The following LANCL2 variants were observed in gnomAD, a reference collection of about 807,000 sequenced individuals.
LANCL2 encodes the protein LanC like glutathione S-transferase 2, also known as lanC-like protein 2.
LANCL2 carries 33 observed loss-of-function variants against 56.9 expected under a neutral mutation model. The observed-to-expected ratio is 0.58, with a 90% CI of 0.44 to 0.78. LANCL2 has a LOEUF of 0.78. LANCL2 is among the 30% of genes least tolerant of loss of function. LANCL2 has a pLI of 0.00. For missense variants in LANCL2, 562 were observed against 580.2 expected (o/e 0.97, Z 0.32); for synonymous variants, 233 against 228.2 (o/e 1.02, Z -0.19).
intron 1 of LANCL2, among the ~76,000 whole-genome samples, chr7:55,377,389 TG>T (rs1272769818): frequency 1.3e-5 from 2 of 152,224 alleles, no homozygotes; most frequent in African/African-American, 4.8e-5. Flanking sequence ...TGGTGTAATT[TG>T]TATGCTTCAG....
At chr7:55,366,646 G>A (rs575202830) in intron 1 of LANCL2, among the ~76,000 whole-genome samples, 3 of 152,174 alleles carry the variant, frequency 2.0e-5, no homozygotes, top group Non-Finnish European at 2.9e-5. Flanking sequence ...CTGGGCTCTC[G>A]CCGACAAAGA....
Position 55,365,919 on chromosome 7 carries a change from C to T in LANCL2, c.-107C>T. The T allele has an allele frequency of 1.1e-6, 1 of 908,128 alleles. No homozygotes were observed. The highest frequency in any genetic ancestry group is 1.6e-6 in the Non-Finnish European group (1 of 639,962). 56.3% of individuals were successfully genotyped at this position (908,128 alleles called of 1,614,324 possible). ...CCCGCCAGCGCGCGGCCTCGCTCCT[C>T]CTAGAGGACGCTCTCTGCGCGGGCC... is the stretch of plus-strand genomic sequence containing the variant. On this transcript the variant is annotated 5_prime_UTR_variant, in exon 1 of 9. Coordinates refer to ENST00000254770, the MANE Select transcript of LANCL2 (RefSeq NM_018697.4).
At chr7:55,383,558 G>C (rs1790092098) in intron 1 of LANCL2, among the ~76,000 whole-genome samples, 1 of 152,164 alleles carries the variant, frequency 6.6e-6, no homozygotes, top group Non-Finnish European at 1.5e-5. Context: ...TAGCATATCA[G>C]TACTTGCTAG....
chr7:55,419,336 T>C (rs1282894616), intron 6 of LANCL2, among the ~76,000 whole-genome samples: 1 of 151,946 alleles, frequency 6.6e-6, no homozygotes, highest in Non-Finnish European at 1.5e-5. Context: ...CATAATGTTA[T>C]TCATACCTCT....
intron 2 of LANCL2, among the ~76,000 whole-genome samples, chr7:55,393,745 C>A (rs1030677984): frequency 6.6e-6 from 1 of 152,114 alleles, no homozygotes; most frequent in Non-Finnish European, 1.5e-5. Flanking sequence ...TACATAGTGA[C>A]ATTACATATT....
At chr7:55,413,818 C>G (rs544476314) in intron 6 of LANCL2, among the ~76,000 whole-genome samples, 2 of 152,204 alleles carry the variant, frequency 1.3e-5, no homozygotes, top group Non-Finnish European at 2.9e-5. Context: ...TAATTCTGTC[C>G]TCTACATTAA....
intron 6 of LANCL2, among the ~76,000 whole-genome samples, chr7:55,414,567 T>C (rs1043471218): frequency 5.3e-5 from 8 of 152,184 alleles, no homozygotes; most frequent in African/African-American, 1.9e-4. Flanking sequence ...ACAAAATTTA[T>C]TTTCCCTCCC....
Position 55,431,947 on chromosome 7 carries a change from A to C in LANCL2, c.*627A>C, listed in dbSNP as rs1170339253. On this transcript the variant is annotated 3_prime_UTR_variant, in exon 9 of 9. Transcript: ENST00000254770. ...GTGTTTTAAAGAAGCCTCAGAGTGC[A>C]TTGCAGCTCTGTCAGGGCCCCATTC... is the stretch of plus-strand genomic sequence containing the variant. 1 of 152,258 alleles carries C rather than the reference A, an allele frequency of 6.6e-6. No homozygotes were observed. The highest frequency in any genetic ancestry group is 1.5e-5 in the Non-Finnish European group (1 of 68,110). The allele number at this position is 152,258 out of a possible 1,614,324, so 9.4% of individuals were successfully genotyped here. A position where few individuals can be genotyped will look rare whatever the true frequency, so the allele number is the denominator to read the frequency against.
intron 3 of LANCL2, among the ~76,000 whole-genome samples, chr7:55,399,544 T>C (rs1316899308): frequency 1.3e-5 from 2 of 152,176 alleles, no homozygotes; most frequent in African/African-American, 4.8e-5. Context: ...GGTTTCACCA[T>C]GTTGGTCAGG....
At chr7:55,418,037 C>A (rs1357100689) in intron 6 of LANCL2, among the ~76,000 whole-genome samples, 1 of 152,096 alleles carries the variant, frequency 6.6e-6, no homozygotes, top group African/African-American at 2.4e-5. Flanking sequence ...TATATCTCTC[C>A]ATTTATATTT....
At chr7:55,388,572 C>T (rs1790151405) in intron 1 of LANCL2, among the ~76,000 whole-genome samples, 1 of 152,172 alleles carries the variant, frequency 6.6e-6, no homozygotes, top group Non-Finnish European at 1.5e-5. Flanking sequence ...AAGAGTTAAG[C>T]TTTACAGGAG....
chr7:55,379,359 A>G (rs1790040014), intron 1 of LANCL2, among the ~76,000 whole-genome samples: 1 of 152,194 alleles, frequency 6.6e-6, no homozygotes. Context: ...ATGAAAAATA[A>G]GAACCTCCCA....
chr7:55,393,988 A>G (rs1394323815), intron 2 of LANCL2: 1 of 152,206 alleles, frequency 6.6e-6, no homozygotes, highest in Non-Finnish European at 1.5e-5. Context: ...TTGTTGAGAA[A>G]GGGTTTCTAA....
At chr7:55,420,996 A>C (rs1033631574) in intron 6 of LANCL2, among the ~76,000 whole-genome samples, 5 of 152,090 alleles carry the variant, frequency 3.3e-5, no homozygotes, top group African/African-American at 1.2e-4. Context: ...TGTTCCTTTT[A>C]TCTCTGGTAA....
Position 55,428,407 on chromosome 7 carries a change from C to T in LANCL2, c.1218C>T (p.His406=), listed in dbSNP as rs200759229. The T allele has an allele frequency of 2.0e-5, 33 of 1,614,098 alleles. No homozygotes were observed. The highest frequency in any genetic ancestry group is 1.5e-4 in the Admixed American group (9 of 60,030). ...FAEWCLDYGA[H]GCRIPDRPYS... is the part of the protein sequence containing the mutation. ...AGTGGTGTCTAGATTACGGAGCACA[C>T]GGGTGCCGCATTCCTGACAGACCCT... Residue 406 remains histidine (H), a synonymous_variant, in exon 8 of 9, where the codon CAC becomes CAT. Coordinates refer to ENST00000254770, the MANE Select transcript of LANCL2 (RefSeq NM_018697.4).
chr7:55,366,072 A>G lies in LANCL2; in HGVS notation c.47A>G (p.Glu16Gly). 3 of 1,527,016 alleles carry G rather than the reference A, an allele frequency of 2.0e-6. No homozygotes were observed. The highest frequency in any genetic ancestry group is 1.4e-5 in the African/African-American group (1 of 70,626). 94.6% of individuals were successfully genotyped at this position (1,527,016 alleles called of 1,614,324 possible). Residue 16 changes from glutamate to glycine, a missense_variant, in exon 1 of 9, where the codon GAG (glutamate) becomes GGG (glycine). This residue lies in a region of LANCL2 where 184 missense variants were observed against 111.8 expected (regional missense o/e 1.65). Coordinates refer to ENST00000254770, the MANE Select transcript of LANCL2 (RefSeq NM_018697.4). ...AGGCTGAAGCTCCACCTGGGAGGGG[A>G]GGCAGAAATGGAGGAACGGGCGTTC... The part of the protein sequence containing the change: ...SKRLKLHLGG[E>G]AEMEERAFVN...
intron 1 of LANCL2, among the ~76,000 whole-genome samples, chr7:55,366,795 C>G (rs947565485): frequency 4.6e-5 from 7 of 152,202 alleles, no homozygotes; most frequent in Non-Finnish European, 1.0e-4. Flanking sequence ...AAACATACAT[C>G]TCTTGAATAT....
At chr7:55,424,944 G>T (rs1368009609) in intron 6 of LANCL2, among the ~76,000 whole-genome samples, 2 of 152,206 alleles carry the variant, frequency 1.3e-5, no homozygotes, top group Non-Finnish European at 2.9e-5. Context: ...ACTAATGCCT[G>T]ATGATCTGAG....
intron 1 of LANCL2, among the ~76,000 whole-genome samples, chr7:55,376,444 G>T (rs1790003479): frequency 6.6e-6 from 1 of 152,134 alleles, no homozygotes; most frequent in Non-Finnish European, 1.5e-5. Flanking sequence ...GGGCCTTCTA[G>T]TCCACACATT....
Sources: allele counts gnomAD v4.1 joint callset (sites outside exome capture counted in the v4.1 genomes callset), GRCh38; gene constraint gnomAD v4.1.1; regional missense constraint gnomAD v4.1.1; transcripts MANE v1.5; gene names NCBI Gene and HGNC (gene_info 2026-07-23, HGNC 2026-07-21).